The following STK33 variants were observed in gnomAD, a reference collection of about 807,000 sequenced individuals.
STK33 encodes the protein serine/threonine-protein kinase 33.
A neutral mutation model predicts 58.0 loss-of-function variants in STK33; 52 were observed. The ratio of observed to expected loss-of-function variants is 0.90; its 90% CI spans 0.72 to 1.13. The LOEUF (loss-of-function observed/expected upper bound fraction) is 1.13. Among genes scored for constraint, STK33 ranks in the 50% most tolerant of loss-of-function variants. The probability of loss-of-function intolerance (pLI) is 0.00; values close to 1 mark genes in which losing one functional copy is unlikely to be tolerated. For missense variants in STK33, 630 were observed against 604.2 expected, an observed-to-expected ratio of 1.04 and a Z score of -0.45; for synonymous variants, 215 against 200.1, an observed-to-expected ratio of 1.07 and a Z score of -0.63.
chr11:8,433,304 T>C (rs988275798), intron 14 of STK33, among the ~76,000 whole-genome samples: 5 of 152,214 alleles, frequency 3.3e-5, no homozygotes, highest in African/African-American at 9.6e-5. Context: ...AAAGGAAAAT[T>C]AGATAATTTA....
intron 1 of STK33, among the ~76,000 whole-genome samples, chr11:8,535,900 TG>T (rs894402368): frequency 1.7e-4 from 26 of 152,150 alleles, no homozygotes; most frequent in African/African-American, 6.3e-4. Flanking sequence ...AATACTGGAA[TG>T]GAATACTCTT....
At chr11:8,417,333 G>C (rs1941276247) in intron 14 of STK33, among the ~76,000 whole-genome samples, 1 of 152,088 alleles carries the variant, frequency 6.6e-6, no homozygotes, top group Non-Finnish European at 1.5e-5. Context: ...CTAGAAAAAT[G>C]AAACTCATGG....
intron 1 of STK33, among the ~76,000 whole-genome samples, chr11:8,536,794 G>A (rs1222252254): frequency 6.7e-6 from 1 of 148,790 alleles, no homozygotes; most frequent in African/African-American, 2.5e-5. Flanking sequence ...TTGTTTGTTT[G>A]AAGAGACAAG....
the STK33 span, among the ~76,000 whole-genome samples, chr11:8,384,233 C>T: frequency 6.6e-6 from 1 of 152,172 alleles, no homozygotes; most frequent in East Asian, 1.9e-4. Context: ...GAATAACCAG[C>T]CAGTGCAGAG....
chr11:8,349,930 T>C, the STK33 span, among the ~76,000 whole-genome samples: 2 of 152,256 alleles, frequency 1.3e-5, no homozygotes, highest in African/African-American at 4.8e-5. Context: ...AGGATCTGTT[T>C]CAGAGGGCTC....
At chr11:8,384,005 C>A in the STK33 span, among the ~76,000 whole-genome samples, 1 of 152,172 alleles carries the variant, frequency 6.6e-6, no homozygotes, top group African/African-American at 2.4e-5. Context: ...ACTTTGAGGT[C>A]TGATAGAGAT....
chr11:8,473,248 T>C lies in STK33; in HGVS notation c.254A>G (p.Lys85Arg), dbSNP rs1378184172. 6.2e-7 allele frequency: 1 copy of C among 1,613,358 alleles called. No individual in the cohort carries two copies. The highest frequency in any genetic ancestry group is 1.3e-5 in the African/African-American group (1 of 74,898). Residue 85 changes from lysine to arginine, a missense_variant, in exon 6 of 16, where the codon AAA becomes AGA. Coordinates refer to ENST00000687296, the MANE Select transcript of STK33 (RefSeq NM_001352389.2). ...CCGACCCCATTGTTGCTGAGATGCT[T>C]TTCTCTCTACATTTGAGGTTCTTGA... ...LPSRTSNVER[K>R]ASQQQWGRGN...
intron 1 of STK33, among the ~76,000 whole-genome samples, chr11:8,519,307 C>T (rs1398439762): frequency 2.0e-5 from 3 of 152,142 alleles, no homozygotes; most frequent in Admixed American, 6.5e-5. Context: ...AACAAAGACA[C>T]AACACACCAG....
At chr11:8,522,000 GA>G (rs552387226) in intron 1 of STK33, among the ~76,000 whole-genome samples, 86 of 151,788 alleles carry the variant, frequency 5.7e-4, no homozygotes, top group African/African-American at 1.6e-3. Context: ...AGGATGTGGA[GA>G]AAAAAAACAC....
At chr11:8,405,526 A>AT (rs1938975854) in intron 15 of STK33, among the ~76,000 whole-genome samples, 1 of 145,248 alleles carries the variant, frequency 6.9e-6, no homozygotes, top group South Asian at 2.2e-4. Flanking sequence ...TCTGTGGCTT[A>AT]TTTTTTAACA....
At chr11:8,480,302 G>A (rs531591301) in intron 2 of STK33, among the ~76,000 whole-genome samples, 108 bp downstream of exon 2, 37 of 152,190 alleles carry the variant, frequency 2.4e-4, no homozygotes, top group Non-Finnish European at 2.9e-4. Context: ...AGACTAGGAC[G>A]TATTGAGGTT....
chr11:8,567,779 C>A (rs1460363551), intron 1 of STK33, among the ~76,000 whole-genome samples: 1 of 152,174 alleles, frequency 6.6e-6, no homozygotes, highest in African/African-American at 2.4e-5. Flanking sequence ...AGGCTTTGAA[C>A]TCCTTTTACA....
At chr11:8,518,248 A>C (rs1263262484) in intron 1 of STK33, among the ~76,000 whole-genome samples, 1 of 152,200 alleles carries the variant, frequency 6.6e-6, no homozygotes, top group South Asian at 2.1e-4. Flanking sequence ...ACTAAGCTTC[A>C]TAAGTGAAGG....
intron 1 of STK33, among the ~76,000 whole-genome samples, chr11:8,528,680 T>C (rs992468735): frequency 2.0e-5 from 3 of 152,210 alleles, no homozygotes; most frequent in African/African-American, 7.2e-5. Flanking sequence ...TTCACGACAG[T>C]TATGAAAAAG....
chr11:8,410,472 T>TTC (rs1554905562), intron 15 of STK33, among the ~76,000 whole-genome samples: 5 of 140,644 alleles, frequency 3.6e-5, no homozygotes, highest in South Asian at 2.3e-4. Flanking sequence ...TTTCTTTTCT[T>TTC]TTTTTTTTTT....
chr11:8,370,260 C>T, the STK33 span, among the ~76,000 whole-genome samples: 8 of 151,974 alleles, frequency 5.3e-5, no homozygotes, highest in East Asian at 1.4e-3. Context: ...TATAGTGGCA[C>T]GATCATAGCT....
the STK33 span, among the ~76,000 whole-genome samples, chr11:8,386,785 A>G: frequency 6.6e-6 from 1 of 152,186 alleles, no homozygotes; most frequent in African/African-American, 2.4e-5. Context: ...GGGGAGGTGG[A>G]CTCCACATCT....
At chr11:8,476,550 C>T (rs1279285224) in intron 4 of STK33, 137 bp downstream of exon 4, 1 of 152,302 alleles carries the variant, frequency 6.6e-6, no homozygotes, top group Non-Finnish European at 1.5e-5. Flanking sequence ...TGCCCTTCTG[C>T]TTCCTCTGCC....
chr11:8,351,948 G>A, the STK33 span, among the ~76,000 whole-genome samples: 5 of 152,228 alleles, frequency 3.3e-5, no homozygotes, highest in African/African-American at 1.2e-4. Context: ...CCTCAGCGGC[G>A]CTCACGGTCG....
Sources: gnomAD v4.1 joint callset for allele counts (sites outside exome capture counted in the v4.1 genomes callset) on GRCh38, gnomAD v4.1.1 for gene constraint, MANE v1.5 for transcripts, NCBI Gene and HGNC (gene_info 2026-07-23, HGNC 2026-07-21) for gene names.